The following CNTNAP5 variants were observed in gnomAD, a reference collection of about 807,000 sequenced individuals.
The protein encoded by CNTNAP5 is contactin-associated protein-like 5.
CNTNAP5 carries 72 observed loss-of-function variants against 150.2 expected under a neutral mutation model. That is an observed-to-expected ratio of 0.48 (90% confidence interval 0.40 to 0.58). The LOEUF is 0.58. CNTNAP5 is among the 20% of genes least tolerant of loss of function. CNTNAP5 has a pLI of 0.00. For missense variants in CNTNAP5, 1,636 were observed against 1,626.2 expected (o/e 1.01, Z -0.10); for synonymous variants, 672 against 619.8 (o/e 1.08, Z -1.25).
At chr2:124,701,908 G>T (rs1181134894) in intron 13 of CNTNAP5, among the ~76,000 whole-genome samples, 1 of 151,586 alleles carries the variant, frequency 6.6e-6, no homozygotes, top group African/African-American at 2.4e-5. Context: ...ACCTAAGGGG[G>T]ATTTTTTGTC....
At chr2:124,132,803 G>A (rs1027709857) in intron 1 of CNTNAP5, among the ~76,000 whole-genome samples, 5 of 152,132 alleles carry the variant, frequency 3.3e-5, no homozygotes, top group African/African-American at 1.2e-4. Context: ...ATGCAGTAAT[G>A]TGTGTTTGAG....
chr2:124,198,666 A>C (rs1320671735), intron 1 of CNTNAP5, among the ~76,000 whole-genome samples: 1 of 152,076 alleles, frequency 6.6e-6, no homozygotes, highest in East Asian at 1.9e-4. Context: ...GAATTAGTCC[A>C]TTATTTTCTG....
intron 3 of CNTNAP5, among the ~76,000 whole-genome samples, chr2:124,405,476 A>G (rs2104762887): frequency 6.6e-6 from 1 of 152,330 alleles, no homozygotes; most frequent in Admixed American, 6.5e-5. Flanking sequence ...TGATTATGGG[A>G]GTGAAGTAAA....
intron 6 of CNTNAP5, among the ~76,000 whole-genome samples, chr2:124,463,647 AG>A (rs1693306646): frequency 6.6e-6 from 1 of 152,182 alleles, no homozygotes; most frequent in Admixed American, 6.5e-5. Context: ...GCCTGAGACA[AG>A]GGGGCAAATT....
intron 13 of CNTNAP5, among the ~76,000 whole-genome samples, chr2:124,664,165 C>T (rs778065281): frequency 6.6e-6 from 1 of 151,618 alleles, no homozygotes; most frequent in Non-Finnish European, 1.5e-5. Flanking sequence ...TCATATGAGA[C>T]ACAAAAAGGT....
At chr2:124,851,337 CA>C (rs1286753027) in intron 19 of CNTNAP5, among the ~76,000 whole-genome samples, 1 of 152,020 alleles carries the variant, frequency 6.6e-6, no homozygotes, top group Non-Finnish European at 1.5e-5. Flanking sequence ...GCCTGGGCAA[CA>C]AAAGAGAAAC....
At chr2:124,407,306 G>A (rs1352797879) in intron 3 of CNTNAP5, among the ~76,000 whole-genome samples, 1 of 152,056 alleles carries the variant, frequency 6.6e-6, no homozygotes, top group African/African-American at 2.4e-5. Flanking sequence ...CAGCTTTATA[G>A]CTAATAAATT....
chr2:124,821,205 T>C (rs1446099019), intron 19 of CNTNAP5, among the ~76,000 whole-genome samples: 1 of 152,120 alleles, frequency 6.6e-6, no homozygotes, highest in East Asian at 1.9e-4. Context: ...GTGGGCCCAC[T>C]CCACTTACCG....
At chr2:124,678,503 C>T (rs1678994361) in intron 13 of CNTNAP5, among the ~76,000 whole-genome samples, 1 of 151,486 alleles carries the variant, frequency 6.6e-6, no homozygotes, top group Non-Finnish European at 1.5e-5. Flanking sequence ...TCTTGTCTGC[C>T]TGCCTGCTCT....
At chr2:124,296,191 A>G (rs915447862) in intron 3 of CNTNAP5, among the ~76,000 whole-genome samples, 1 of 152,110 alleles carries the variant, frequency 6.6e-6, no homozygotes, top group Non-Finnish European at 1.5e-5. Context: ...AATTAATATT[A>G]GCTGCTCACA....
At chr2:124,805,258 C>A (rs1682057499) in intron 19 of CNTNAP5, among the ~76,000 whole-genome samples, 1 of 152,092 alleles carries the variant, frequency 6.6e-6, no homozygotes, top group Non-Finnish European at 1.5e-5. Context: ...TCTCAATTGC[C>A]CCCTGACACA....
intron 11 of CNTNAP5, among the ~76,000 whole-genome samples, chr2:124,588,173 CTTCCTTCTTTCTTTCT>C (rs1696590654): frequency 4.3e-5 from 4 of 92,580 alleles, no homozygotes; most frequent in African/African-American, 1.5e-4. Flanking sequence ...TCCTTCCTTC[CTTCCTTCTTTCTTTCT>C]TTCTTTCTTT....
intron 18 of CNTNAP5, among the ~76,000 whole-genome samples, chr2:124,797,639 C>G (rs1681874597): frequency 6.6e-6 from 1 of 152,200 alleles, no homozygotes; most frequent in Non-Finnish European, 1.5e-5. Context: ...TAGAGACCAT[C>G]CACAATCTCC....
intron 14 of CNTNAP5, among the ~76,000 whole-genome samples, chr2:124,754,329 A>G (rs908827337): frequency 9.2e-5 from 14 of 152,234 alleles, no homozygotes; most frequent in African/African-American, 3.1e-4. Context: ...TTTATGAGCT[A>G]CTCTACTGCT....
intron 13 of CNTNAP5, among the ~76,000 whole-genome samples, chr2:124,690,266 A>T (rs183953847): frequency 6.6e-6 from 1 of 152,132 alleles, no homozygotes; most frequent in East Asian, 1.9e-4. Context: ...GTGCATTTTG[A>T]TTCAAGTGGT....
At chr2:124,413,903 T>TAA (rs142156805) in intron 3 of CNTNAP5, among the ~76,000 whole-genome samples, 2 of 149,282 alleles carry the variant, frequency 1.3e-5, no homozygotes, top group Middle Eastern at 3.4e-3. Context: ...ATAAATAAAT[T>TAA]AAAAAAAAAG....
In CNTNAP5 at chr2:124,098,777, G is replaced by A. The variant is rs951979406; in HGVS notation, c.82+73045G>A. 2.0e-5 allele frequency among the ~76,000 whole-genome samples: 3 copies of A among 152,184 alleles called. No homozygotes were observed. In the East Asian group the frequency reaches 5.8e-4, roughly 29 times the overall value. On this transcript the variant is annotated intron_variant, in intron 1 of 23. Transcript: ENST00000682447. Reference sequence around the variant, plus strand: ...TGATAAGATGCCAGCTTGAGAAATGGCGTAGAGCTTCAGTCTGACTTTATG... The same window carrying A: ...TGATAAGATGCCAGCTTGAGAAATGACGTAGAGCTTCAGTCTGACTTTATG...
At chr2:124,759,102 T>G (rs1204771885) in intron 14 of CNTNAP5, among the ~76,000 whole-genome samples, 1 of 151,776 alleles carries the variant, frequency 6.6e-6, no homozygotes, top group Non-Finnish European at 1.5e-5. Context: ...TACAGAACAT[T>G]TGGGAACATT....
At chr2:124,356,333 T>C (rs1277682608) in intron 3 of CNTNAP5, among the ~76,000 whole-genome samples, 1 of 151,570 alleles carries the variant, frequency 6.6e-6, no homozygotes, top group Non-Finnish European at 1.5e-5. Flanking sequence ...ATACTTTAGG[T>C]TTTAGGGTAC....
Sources: gnomAD v4.1 joint callset for allele counts (sites outside exome capture counted in the v4.1 genomes callset) on GRCh38, gnomAD v4.1.1 for gene constraint, MANE v1.5 for transcripts, NCBI Gene and HGNC (gene_info 2026-07-23, HGNC 2026-07-21) for gene names.